RALYL: variants seen among roughly 807,000 people sequenced by gnomAD.
The protein encoded by RALYL is RALY RNA binding protein like.
RALYL carries 29 observed loss-of-function variants against 35.1 expected under a neutral mutation model. The observed-to-expected ratio is 0.83, with a 90% CI of 0.61 to 1.13. The LOEUF (loss-of-function observed/expected upper bound fraction) is 1.13, where lower values mean the gene tolerates loss of function less well. Among genes scored for constraint, RALYL ranks in the 50% most tolerant of loss-of-function variants. The pLI is 0.00. For missense variants in RALYL, 359 were observed against 360.4 expected, an observed-to-expected ratio of 1.00 and a Z score of 0.03; for synonymous variants, 120 against 127.6, an observed-to-expected ratio of 0.94 and a Z score of 0.40.
At chr8:84,814,641 C>G (rs549848324) in intron 4 of RALYL, among the ~76,000 whole-genome samples, 94 of 152,056 alleles carry the variant, frequency 6.2e-4, no homozygotes, top group Middle Eastern at 6.8e-3. Flanking sequence ...AAAAAACTGT[C>G]AAAGAAAGTT....
At chr8:84,307,728 T>A (rs1187847269) in intron 1 of RALYL, among the ~76,000 whole-genome samples, 1 of 152,130 alleles carries the variant, frequency 6.6e-6, no homozygotes, top group Non-Finnish European at 1.5e-5. Context: ...CAGTTACACA[T>A]CTGAGAAAAC....
intron 2 of RALYL, among the ~76,000 whole-genome samples, chr8:84,577,179 T>A (rs1372655999): frequency 6.6e-6 from 1 of 152,362 alleles, no homozygotes; most frequent in East Asian, 1.9e-4. Flanking sequence ...ATTACGCACT[T>A]CCTTGAGGGA....
At chr8:84,436,802 C>A (rs1054557950) in intron 1 of RALYL, among the ~76,000 whole-genome samples, 3 of 151,308 alleles carry the variant, frequency 2.0e-5, no homozygotes, top group African/African-American at 7.3e-5. Flanking sequence ...CTATGTGCCC[C>A]ATCTCCTATT....
chr8:84,234,222 CT>C (rs1434828646), intron 1 of RALYL, among the ~76,000 whole-genome samples: 2 of 152,154 alleles, frequency 1.3e-5, no homozygotes, highest in African/African-American at 4.8e-5. Context: ...CTAATTTCTC[CT>C]CTTTGCTCAT....
chr8:84,444,708 C>T (rs1383029756), intron 1 of RALYL, among the ~76,000 whole-genome samples: 1 of 151,872 alleles, frequency 6.6e-6, no homozygotes, highest in Non-Finnish European at 1.5e-5. Context: ...AGACAAGCGT[C>T]CATGCAAAAA....
At chr8:84,580,776 G>A (rs1810644971) in intron 2 of RALYL, among the ~76,000 whole-genome samples, 1 of 152,060 alleles carries the variant, frequency 6.6e-6, no homozygotes, top group Admixed American at 6.5e-5. Flanking sequence ...TGCATAATAA[G>A]TCACCCCAAA....
At chr8:84,322,137 A>G (rs1424533123) in intron 1 of RALYL, among the ~76,000 whole-genome samples, 1 of 152,128 alleles carries the variant, frequency 6.6e-6, no homozygotes, top group Non-Finnish European at 1.5e-5. Context: ...CTCATTAGCA[A>G]TATAATTGAC....
At chr8:84,534,203 A>G (rs781291266) in intron 2 of RALYL, among the ~76,000 whole-genome samples, 57 of 152,370 alleles carry the variant, frequency 3.7e-4, no homozygotes, top group African/African-American at 1.1e-3. Context: ...CTTGTGTTCT[A>G]TCGCCCAACA....
intron 1 of RALYL, among the ~76,000 whole-genome samples, chr8:84,373,620 TCC>T (rs762284876): frequency 3.3e-5 from 5 of 151,972 alleles, no homozygotes; most frequent in Non-Finnish European, 7.4e-5. Flanking sequence ...GGTTATTGTG[TCC>T]CTTCAATATA....
chr8:84,908,485 C>T (rs767009980), intron 8 of RALYL, among the ~76,000 whole-genome samples: 1 of 152,122 alleles, frequency 6.6e-6, no homozygotes, highest in African/African-American at 2.4e-5. Flanking sequence ...TTTCATTTAA[C>T]GTAATGTCCT....
At chr8:84,433,554 T>G (rs1445992678) in intron 1 of RALYL, among the ~76,000 whole-genome samples, 1 of 152,030 alleles carries the variant, frequency 6.6e-6, no homozygotes, top group Non-Finnish European at 1.5e-5. Context: ...TGGGGGCTGG[T>G]CTTTCCTGTG....
At chr8:84,402,489 G>A (rs551613425) in intron 1 of RALYL, among the ~76,000 whole-genome samples, 244 of 152,092 alleles carry the variant, frequency 1.6e-3, no homozygotes, top group Non-Finnish European at 2.9e-3. Flanking sequence ...ATTAAAGACC[G>A]TCTACATGAT....
chr8:84,263,967 G>A (rs1832795103), intron 1 of RALYL, among the ~76,000 whole-genome samples: 2 of 152,112 alleles, frequency 1.3e-5, no homozygotes, highest in African/African-American at 4.8e-5. Context: ...TGGTTGCATA[G>A]TATTCCATGG....
chr8:84,375,339 C>T (rs1856701389), intron 1 of RALYL, among the ~76,000 whole-genome samples: 1 of 151,894 alleles, frequency 6.6e-6, no homozygotes, highest in East Asian at 1.9e-4. Flanking sequence ...AGCCAAGTCC[C>T]TAAAGAACCA....
intron 8 of RALYL, among the ~76,000 whole-genome samples, chr8:84,890,847 A>T (rs1843719446): frequency 6.6e-6 from 1 of 152,152 alleles, no homozygotes; most frequent in Non-Finnish European, 1.5e-5. Context: ...TAGTAAAAAA[A>T]TAAATAAATA....
intron 2 of RALYL, among the ~76,000 whole-genome samples, chr8:84,645,309 A>G (rs1054903947): frequency 4.0e-5 from 6 of 151,702 alleles, no homozygotes; most frequent in African/African-American, 1.2e-4. Flanking sequence ...TTTATACTAT[A>G]TATTTATACT....
chr8:84,250,520 C>G lies in RALYL; in HGVS notation c.-24+66096C>G, dbSNP rs1586544652. Reference sequence around the variant, plus strand: ...AGCTGGGATTACAAGTGTCCACCACCCAGAGACATAATGGCCATTTTTGAT... The same window carrying G: ...AGCTGGGATTACAAGTGTCCACCACGCAGAGACATAATGGCCATTTTTGAT... On this transcript the variant is annotated intron_variant, in intron 1 of 8. Coordinates refer to ENST00000521268, the MANE Select transcript of RALYL (RefSeq NM_173848.7). 2.6e-5 allele frequency among the ~76,000 whole-genome samples: 4 copies of G among 151,936 alleles called. No individual in the cohort carries two copies. In the South Asian group the frequency reaches 8.3e-4, roughly 32 times the overall value.
At chr8:84,532,112 G>A (rs372213211) in intron 2 of RALYL, among the ~76,000 whole-genome samples, 11 of 151,978 alleles carry the variant, frequency 7.2e-5, no homozygotes, top group African/African-American at 2.4e-4. Context: ...TTCAAATCTC[G>A]TCTTTCACTA....
chr8:84,524,393 A>G (rs2058717162), intron 1 of RALYL, among the ~76,000 whole-genome samples: 1 of 152,228 alleles, frequency 6.6e-6, no homozygotes, highest in Non-Finnish European at 1.5e-5. Context: ...AATCAAAACC[A>G]CAAAGAGATA....
Sources: gnomAD v4.1 joint callset for allele counts (sites outside exome capture counted in the v4.1 genomes callset) on GRCh38, gnomAD v4.1.1 for gene constraint, MANE v1.5 for transcripts, NCBI Gene and HGNC (gene_info 2026-07-23, HGNC 2026-07-21) for gene names.